The following NFIB variants were observed in gnomAD, a reference collection of about 807,000 sequenced individuals.
NFIB encodes the protein nuclear factor I B, also known as nuclear factor 1 B-type.
In NFIB, 11 loss-of-function variants were observed where a neutral mutation model predicts 61.5. The observed-to-expected ratio is 0.18, with a 90% CI of 0.11 to 0.30. NFIB has a LOEUF of 0.30. NFIB is among the 10% of genes least tolerant of loss of function. The pLI, the probability that NFIB is intolerant of heterozygous loss-of-function variation, is 1.00. For missense variants in NFIB, 471 were observed against 608.9 expected (o/e 0.77, Z 2.38); for synonymous variants, 260 against 216.5 (o/e 1.20, Z -1.76).
intron 1 of NFIB, among the ~76,000 whole-genome samples, chr9:14,332,160 C>A (rs1258212160): frequency 6.6e-6 from 1 of 151,902 alleles, no homozygotes; most frequent in Non-Finnish European, 1.5e-5. Context: ...TGGTGAAACC[C>A]CGTCTCTACT....
At chr9:14,504,611 T>A in the NFIB span, among the ~76,000 whole-genome samples, 1 of 152,176 alleles carries the variant, frequency 6.6e-6, no homozygotes, top group Non-Finnish European at 1.5e-5. Context: ...AGGGGTTAAG[T>A]TCTTGATTTG....
intron 7 of NFIB, among the ~76,000 whole-genome samples, chr9:14,121,099 C>T (rs1392359940): frequency 1.3e-5 from 2 of 152,082 alleles, no homozygotes; most frequent in African/African-American, 4.8e-5. Context: ...CCCATCGCTA[C>T]TGAAAATACA....
intron 2 of NFIB, chr9:14,204,549 A>C: frequency 7.3e-7 from 1 of 1,362,916 alleles, no homozygotes; most frequent in Non-Finnish European, 1.0e-6. Context: ...CTGCCCCACA[A>C]GTACAGACCA....
chr9:14,400,747 C>T (rs1031204775), upstream of NFIB, among the ~76,000 whole-genome samples: 3 of 152,168 alleles, frequency 2.0e-5, no homozygotes, highest in Non-Finnish European at 4.4e-5. Flanking sequence ...TCTTCCTCCT[C>T]GTTCATTATT....
intron 2 of NFIB, among the ~76,000 whole-genome samples, chr9:14,250,408 C>G (rs561546347): frequency 1.3e-5 from 2 of 152,114 alleles, no homozygotes; most frequent in Non-Finnish European, 2.9e-5. Flanking sequence ...AAAGAGGAGG[C>G]AGAATTAAAG....
At chr9:14,329,583 C>A (rs1267019599) in intron 1 of NFIB, among the ~76,000 whole-genome samples, 1 of 151,950 alleles carries the variant, frequency 6.6e-6, no homozygotes, top group African/African-American at 2.4e-5. Context: ...GGCGCAACCT[C>A]GGCTCACTGC....
intron 10 of NFIB, chr9:14,102,490 G>A: frequency 6.5e-7 from 1 of 1,550,296 alleles, no homozygotes; most frequent in Non-Finnish European, 8.7e-7. Context: ...TTTGATTCAT[G>A]GTCCAGTCAC....
chr9:14,190,433 A>C (rs1220572792), intron 2 of NFIB, among the ~76,000 whole-genome samples: 1 of 152,226 alleles, frequency 6.6e-6, no homozygotes, highest in African/African-American at 2.4e-5. Flanking sequence ...GAGGAAAAAA[A>C]TCAGATAAGT....
Position 14,266,112 on chromosome 9 carries a change from G to T in NFIB, c.562+40877C>A, listed in dbSNP as rs941199894. 2.6e-5 allele frequency among the ~76,000 whole-genome samples: 4 copies of T among 152,040 alleles called. No individual in the cohort carries two copies. In the South Asian group the frequency reaches 8.3e-4, roughly 32 times the overall value. The stretch of plus-strand genomic sequence containing the variant: ...TCACTCACTGTAGACCTCTCTCAAG[G>T]GTCCATCTGTAGCCCTCAGATTCCC... On this transcript the variant is annotated intron_variant, in intron 2 of 10. Transcript: ENST00000380953.
At chr9:14,408,959 T>C in the NFIB span, among the ~76,000 whole-genome samples, 2 of 152,120 alleles carry the variant, frequency 1.3e-5, no homozygotes, top group African/African-American at 4.8e-5. Flanking sequence ...AGCCAGTAAA[T>C]GGCAAAATCT....
At chr9:14,258,924 G>A (rs753034324) in intron 2 of NFIB, among the ~76,000 whole-genome samples, 2 of 152,130 alleles carry the variant, frequency 1.3e-5, no homozygotes, top group Non-Finnish European at 2.9e-5. Context: ...CTTCTTTCTA[G>A]GATCTGGCTT....
chr9:14,408,344 C>A, the NFIB span, among the ~76,000 whole-genome samples: 1 of 152,192 alleles, frequency 6.6e-6, no homozygotes, highest in Admixed American at 6.5e-5. Context: ...CCACTTTTTA[C>A]ATCTTTATTG....
chr9:14,313,079 C>A lies in NFIB; in HGVS notation c.30+403G>T, dbSNP rs1254681611. 6.6e-6 allele frequency among the ~76,000 whole-genome samples: 1 copy of A among 152,202 alleles called. No individual in the cohort carries two copies. The highest frequency in any genetic ancestry group is 1.5e-5 in the Non-Finnish European group (1 of 68,036). On this transcript the variant is annotated intron_variant, in intron 1 of 10. Transcript: ENST00000380953. This position sits in a 1 kb window ranked among gnomAD's most constrained non-coding sequence, Gnocchi z 4.5. ...CACTGGCTGTTTTTAAAAGCTTAGT[C>A]CCCCGTAAAGTCCTCCAAAGCCCGA...
intron 2 of NFIB, among the ~76,000 whole-genome samples, chr9:14,272,841 T>C (rs2057728781): frequency 6.6e-6 from 1 of 152,162 alleles, no homozygotes. Flanking sequence ...GCAATACAAT[T>C]AGTCTTTTCT....
At chr9:14,344,215 C>T (rs2060990851) in intron 1 of NFIB, among the ~76,000 whole-genome samples, 1 of 151,668 alleles carries the variant, frequency 6.6e-6, no homozygotes, top group Non-Finnish European at 1.5e-5. Context: ...CATAGCCAGA[C>T]CCCAAGAGAG....
chr9:14,118,229 A>C (rs1218045859), intron 8 of NFIB, among the ~76,000 whole-genome samples: 1 of 152,142 alleles, frequency 6.6e-6, no homozygotes, highest in Non-Finnish European at 1.5e-5. Flanking sequence ...TATCTTAAGA[A>C]AGAAGACAGG....
chr9:14,293,823 T>C (rs946212030), intron 2 of NFIB, among the ~76,000 whole-genome samples: 1 of 152,138 alleles, frequency 6.6e-6, no homozygotes, highest in African/African-American at 2.4e-5. Flanking sequence ...ATGTACAAAA[T>C]ATGGATCTCA....
intron 2 of NFIB, among the ~76,000 whole-genome samples, chr9:14,257,894 AT>A (rs150629739): frequency 4.0e-5 from 6 of 151,828 alleles, no homozygotes; most frequent in East Asian, 1.9e-4. Context: ...AAAAAATGAG[AT>A]TTTTTTTTAA....
chr9:14,323,027 T>C (rs1283905683), intron 1 of NFIB, among the ~76,000 whole-genome samples: 2 of 152,154 alleles, frequency 1.3e-5, no homozygotes, highest in African/African-American at 2.4e-5. Flanking sequence ...GAATAAGGAA[T>C]TGCTGTTACT....
Sources: allele counts gnomAD v4.1 joint callset (sites outside exome capture counted in the v4.1 genomes callset), GRCh38; gene constraint gnomAD v4.1.1; non-coding constraint Gnocchi (gnomAD v3.1); transcripts MANE v1.5; gene names NCBI Gene and HGNC (gene_info 2026-07-23, HGNC 2026-07-21).